SLC12A1: variants seen among roughly 807,000 people sequenced by gnomAD.
SLC12A1 encodes the protein solute carrier family 12 member 1, also known as Na-K-2Cl cotransporter.
A neutral mutation model predicts 130.4 loss-of-function variants in SLC12A1; 89 were observed. The ratio of observed to expected loss-of-function variants is 0.68; its 90% CI spans 0.58 to 0.81. The LOEUF (loss-of-function observed/expected upper bound fraction) is 0.81. Ranked by LOEUF, SLC12A1 falls within the 40% of genes least tolerant of loss-of-function variation. SLC12A1 has a pLI of 0.00. For missense variants in SLC12A1, 1,310 were observed against 1,336.4 expected, an observed-to-expected ratio of 0.98 and a Z score of 0.31; for synonymous variants, 499 against 460.0, an observed-to-expected ratio of 1.08 and a Z score of -1.09.
At chr15:48,282,887 G>A (rs2042022442) in intron 20 of SLC12A1, among the ~76,000 whole-genome samples, 1 of 152,158 alleles carries the variant, frequency 6.6e-6, no homozygotes, top group Admixed American at 6.5e-5. Flanking sequence ...ATGGTGGGAA[G>A]CATATGCAGA....
At position 48,247,178 on chromosome 15, in the gene SLC12A1, T is replaced by A. The variant is rs116890635; in HGVS notation, c.1561-159T>A. Among the ~76,000 whole-genome samples the A allele has an allele frequency of 2.0e-5, 3 of 152,348 alleles. No homozygotes were observed. The East Asian group carries it at 5.8e-4, about 29-fold the overall frequency. ...TTCTATGTCTGCCACATAGTCAAGATCGATTCAAATAATATAAAGAATGAT... is the reference window on the plus strand; with the variant it reads ...TTCTATGTCTGCCACATAGTCAAGAACGATTCAAATAATATAAAGAATGAT... On this transcript the variant is annotated intron_variant, in intron 12 of 26. Transcript: ENST00000380993.
intron 2 of SLC12A1, among the ~76,000 whole-genome samples, chr15:48,211,372 C>T (rs1022663475): frequency 2.6e-5 from 4 of 152,078 alleles, no homozygotes; most frequent in Non-Finnish European, 5.9e-5. Context: ...CCTTACTTTT[C>T]CCCCCTCAAA....
chr15:48,253,004 G>A (rs1173887020), intron 15 of SLC12A1, among the ~76,000 whole-genome samples: 1 of 152,158 alleles, frequency 6.6e-6, no homozygotes, highest in Non-Finnish European at 1.5e-5. Context: ...ATAAACAATT[G>A]GATCTGAACT....
At chr15:48,208,377 T>C (rs545284453) in intron 2 of SLC12A1, among the ~76,000 whole-genome samples, 40 of 152,208 alleles carry the variant, frequency 2.6e-4, no homozygotes, top group Non-Finnish European at 4.1e-4. Context: ...CAGCCTGAAG[T>C]GTGGTGGACA....
intron 20 of SLC12A1, among the ~76,000 whole-genome samples, chr15:48,283,547 G>T (rs374957234): frequency 2.0e-5 from 3 of 152,172 alleles, no homozygotes; most frequent in Admixed American, 1.3e-4. Context: ...CATGCCACTC[G>T]CAAAAGATTA....
At chr15:48,276,500 G>C (rs1020912393) in intron 20 of SLC12A1, among the ~76,000 whole-genome samples, 1 of 152,130 alleles carries the variant, frequency 6.6e-6, no homozygotes, top group Non-Finnish European at 1.5e-5. Flanking sequence ...GAAGAGATTA[G>C]GATACAGACT....
chr15:48,250,674 C>CCCCACACACACACACACACA (rs750040638), intron 14 of SLC12A1, among the ~76,000 whole-genome samples: 2 of 56,128 alleles, frequency 3.6e-5, no homozygotes, highest in African/African-American at 1.9e-4. Context: ...AAAATGTCTG[C>CCCCACACACACACACACACA]CTCACACACA....
rs866630696 is a variant in SLC12A1 at position 48,231,965 on chromosome 15, C to G, written c.976-762C>G. Among the ~76,000 whole-genome samples, 10 of 152,186 alleles carry G rather than the reference C, an allele frequency of 6.6e-5. No individual in the cohort carries two copies. The South Asian group carries it at 1.0e-3, about 16-fold the overall frequency. The stretch of plus-strand genomic sequence containing the variant: ...GGTGGAGGTTGCAGTGAGCCGAGAT[C>G]GTGCCATTGCATTCCAGCCTGGGCG... On this transcript the variant is annotated intron_variant, in intron 7 of 26. Coordinates refer to ENST00000380993, the MANE Select transcript of SLC12A1 (RefSeq NM_000338.3).
chr15:48,216,626 C>T (rs2041124652), intron 2 of SLC12A1, among the ~76,000 whole-genome samples: 1 of 152,200 alleles, frequency 6.6e-6, no homozygotes, highest in Non-Finnish European at 1.5e-5. Context: ...TACTGATGGT[C>T]TGGCTATGGG....
chr15:48,302,108 T>C (rs1415228726), intron 26 of SLC12A1, among the ~76,000 whole-genome samples: 2 of 152,200 alleles, frequency 1.3e-5, no homozygotes, highest in Non-Finnish European at 2.9e-5. Flanking sequence ...ATATAAGATA[T>C]TTAAATTATT....
At chr15:48,269,510 G>T (rs34048912) in intron 18 of SLC12A1, 148 bp from the exon 19 acceptor site, 1 of 433,964 alleles carries the variant, frequency 2.3e-6, no homozygotes, top group Non-Finnish European at 4.2e-6. Flanking sequence ...GCTTGGGTAC[G>T]GGCATGAAGG....
chr15:48,269,487 C>G (rs1281185492), intron 18 of SLC12A1, among the ~76,000 whole-genome samples, 171 bp from the exon 19 acceptor site: 3 of 152,192 alleles, frequency 2.0e-5, no homozygotes, highest in African/African-American at 4.8e-5. Flanking sequence ...TAGAATTAAT[C>G]TTTCCATTTT....
chr15:48,260,481 C>T lies in SLC12A1; in HGVS notation c.2154+1170C>T, dbSNP rs956929496. On this transcript the variant is annotated intron_variant, in intron 17 of 26. Transcript: ENST00000380993. Reference sequence around the variant, plus strand: ...TTCAAAGCATTTTTCTACAGTTTTTCTTATTGGAGCCACACAATAGCCTAG... The same window carrying T: ...TTCAAAGCATTTTTCTACAGTTTTTTTTATTGGAGCCACACAATAGCCTAG... 2.0e-5 allele frequency among the ~76,000 whole-genome samples: 3 copies of T among 151,874 alleles called. 1 individual carries two copies. The highest frequency in any genetic ancestry group is 7.3e-5 in the African/African-American group (3 of 41,342).
At chr15:48,240,716 G>A (rs36076297) in intron 9 of SLC12A1, among the ~76,000 whole-genome samples, 18 of 152,086 alleles carry the variant, frequency 1.2e-4, no homozygotes, top group Non-Finnish European at 1.9e-4. Context: ...TCTATGCCAG[G>A]CCCTGTCCTG....
At chr15:48,237,637 A>G (rs1234406563) in intron 9 of SLC12A1, among the ~76,000 whole-genome samples, 1 of 152,204 alleles carries the variant, frequency 6.6e-6, no homozygotes, top group Non-Finnish European at 1.5e-5. Flanking sequence ...ATTTAAAAAT[A>G]CTTTTATGAT....
At chr15:48,248,393 C>T (rs991727333) in intron 13 of SLC12A1, among the ~76,000 whole-genome samples, 5 of 152,224 alleles carry the variant, frequency 3.3e-5, no homozygotes, top group Non-Finnish European at 7.3e-5. Flanking sequence ...TCTAAGATCT[C>T]AAATCATTGC....
intron 2 of SLC12A1, among the ~76,000 whole-genome samples, chr15:48,212,540 G>A (rs2041065831): frequency 6.6e-6 from 1 of 152,152 alleles, no homozygotes; most frequent in African/African-American, 2.4e-5. Flanking sequence ...ACTTTGTAAA[G>A]AGAATTTTGC....
At chr15:48,234,689 G>A (rs1159782831) in intron 8 of SLC12A1, among the ~76,000 whole-genome samples, 188 bp from the exon 9 acceptor site, 1 of 151,950 alleles carries the variant, frequency 6.6e-6, no homozygotes, top group African/African-American at 2.4e-5. Flanking sequence ...GGAGGCAGAG[G>A]TTGCAGTGAG....
At chr15:48,227,113 A>C (rs1219790996) in intron 5 of SLC12A1, 1 of 1,552,092 alleles carries the variant, frequency 6.4e-7, no homozygotes, top group Non-Finnish European at 8.7e-7. Flanking sequence ...TAAGTGTGGT[A>C]GTAACGACAC....
Sources: allele counts gnomAD v4.1 joint callset (sites outside exome capture counted in the v4.1 genomes callset), GRCh38; gene constraint gnomAD v4.1.1; transcripts MANE v1.5; gene names NCBI Gene and HGNC (gene_info 2026-07-23, HGNC 2026-07-21).